The following AGMO variants were observed in gnomAD, a reference collection of about 807,000 sequenced individuals.
AGMO encodes the protein alkylglycerol monooxygenase.
In AGMO, 75 loss-of-function variants were observed where a neutral mutation model predicts 60.2. The ratio of observed to expected loss-of-function variants is 1.25; its 90% CI spans 1.03 to 1.51. The LOEUF (loss-of-function observed/expected upper bound fraction) is 1.51, where lower values mean the gene tolerates loss of function less well. AGMO is among the 40% of genes most tolerant of loss of function. The probability of loss-of-function intolerance (pLI) is 0.00; values close to 1 mark genes in which losing one functional copy is unlikely to be tolerated. For synonymous variants in AGMO, 261 were observed against 177.1 expected (o/e 1.47, Z -3.76); for missense variants, 763 against 525.5 (o/e 1.45, Z -4.42).
chr7:15,241,035 T>G (rs554008886), intron 12 of AGMO, among the ~76,000 whole-genome samples: 7 of 152,230 alleles, frequency 4.6e-5, no homozygotes, highest in African/African-American at 1.4e-4. Context: ...ACCACTATAT[T>G]AAATACATGT....
intron 12 of AGMO, among the ~76,000 whole-genome samples, chr7:15,279,666 C>T (rs1392423236): frequency 6.6e-6 from 1 of 152,072 alleles, no homozygotes; most frequent in East Asian, 1.9e-4. Context: ...CTGAAAGAAA[C>T]CACAGACCCT....
intron 12 of AGMO, among the ~76,000 whole-genome samples, chr7:15,265,014 A>G (rs1259432530): frequency 6.6e-6 from 1 of 152,154 alleles, no homozygotes; most frequent in East Asian, 1.9e-4. Flanking sequence ...CACAAGAGCA[A>G]AGACATGGAA....
At chr7:15,558,621 A>T (rs1366389751) in intron 2 of AGMO, among the ~76,000 whole-genome samples, 1 of 152,062 alleles carries the variant, frequency 6.6e-6, no homozygotes, top group East Asian at 1.9e-4. Flanking sequence ...TTCTGGAGAC[A>T]TTATCTTCTT....
chr7:15,515,357 G>T (rs1011297093), intron 3 of AGMO, among the ~76,000 whole-genome samples: 1 of 152,130 alleles, frequency 6.6e-6, no homozygotes, highest in African/African-American at 2.4e-5. Context: ...CTCCAGAATT[G>T]TATGAGCTTT....
chr7:15,225,354 T>TAAAACCACAAAA (rs1279260075), intron 12 of AGMO, among the ~76,000 whole-genome samples: 14 of 152,024 alleles, frequency 9.2e-5, no homozygotes, highest in Non-Finnish European at 7.4e-5. Flanking sequence ...TCTTTGTATT[T>TAAAACCACAAAA]TCTTATGATA....
intron 12 of AGMO, among the ~76,000 whole-genome samples, chr7:15,300,936 C>T (rs746572911): frequency 1.2e-4 from 18 of 152,132 alleles, no homozygotes; most frequent in Admixed American, 7.9e-4. Flanking sequence ...TTACAAGCAT[C>T]ACTAAGGAAT....
intron 9 of AGMO, 84 bp from the exon 10 acceptor site, chr7:15,385,646 A>G (rs905682030): frequency 7.7e-6 from 6 of 777,016 alleles, no homozygotes; most frequent in Non-Finnish European, 1.3e-5. Context: ...ATTTGAAAAA[A>G]GTATCTGCTA....
At chr7:15,227,995 G>T (rs1223152771) in intron 12 of AGMO, among the ~76,000 whole-genome samples, 2 of 152,096 alleles carry the variant, frequency 1.3e-5, no homozygotes, top group South Asian at 4.1e-4. Flanking sequence ...TGCCCATGTT[G>T]CTGGGTGGAG....
chr7:15,336,451 T>C (rs1164300521), intron 12 of AGMO, among the ~76,000 whole-genome samples: 10 of 152,104 alleles, frequency 6.6e-5, no homozygotes, highest in Non-Finnish European at 1.3e-4. Flanking sequence ...CCAGTAACTT[T>C]CAGCATACCC....
At chr7:15,539,392 G>A (rs1039869556) in intron 3 of AGMO, among the ~76,000 whole-genome samples, 11 of 152,054 alleles carry the variant, frequency 7.2e-5, no homozygotes, top group African/African-American at 2.7e-4. Context: ...GAGAACATGT[G>A]GTATGTGGTT....
chr7:15,418,606 A>G lies in AGMO; in HGVS notation c.561T>C (p.Ala187=), dbSNP rs373210948. 2 of 1,585,068 alleles carry G rather than the reference A, an allele frequency of 1.3e-6. No individual in the cohort carries two copies. The highest frequency in any genetic ancestry group is 2.3e-5 in the East Asian group (1 of 43,228). Residue 187 remains alanine, a synonymous_variant, in exon 5 of 13, where the codon GCT becomes GCC. Coordinates refer to ENST00000342526, the MANE Select transcript of AGMO (RefSeq NM_001004320.2). ...AAAGAAGATTGAATTGAAGATGAAC[A>G]GCATATACTGAAGGGGGTATGAAGA... ...LALFIPPSVY[A]VHLQFNLLYQ... is the part of the protein sequence containing the mutation.
the AGMO span, among the ~76,000 whole-genome samples, chr7:15,195,003 T>C: frequency 2.0e-5 from 3 of 152,184 alleles, no homozygotes; most frequent in Non-Finnish European, 4.4e-5. Flanking sequence ...TGGATTTGCC[T>C]GAATAGGATA....
intron 10 of AGMO, among the ~76,000 whole-genome samples, chr7:15,376,311 A>T (rs1783448381): frequency 6.6e-6 from 1 of 152,060 alleles, no homozygotes; most frequent in Non-Finnish European, 1.5e-5. Flanking sequence ...TTCATGAAGA[A>T]CCTAAGCTAG....
the AGMO span, among the ~76,000 whole-genome samples, chr7:15,126,046 A>G: frequency 6.6e-6 from 1 of 152,100 alleles, no homozygotes; most frequent in Non-Finnish European, 1.5e-5. Flanking sequence ...GCATTTGGTG[A>G]AGTACCACAG....
rs536210387 is a variant in AGMO, at chr7:15,313,146, T to C, written c.1263+52368A>G. ...TTGTGAGGCTAAAAATGAAAACAAG[T>C]TTTAAGTACACAAAGAAAACTCCTT... On this transcript the variant is annotated intron_variant, in intron 12 of 12. Coordinates refer to ENST00000342526, the MANE Select transcript of AGMO (RefSeq NM_001004320.2). 7.9e-5 allele frequency among the ~76,000 whole-genome samples: 12 copies of C among 152,168 alleles called. No individual in the cohort carries two copies. The South Asian group carries it at 2.5e-3, about 32-fold the overall frequency.
At chr7:15,475,797 G>A (rs1782580008) in intron 3 of AGMO, among the ~76,000 whole-genome samples, 1 of 151,970 alleles carries the variant, frequency 6.6e-6, no homozygotes, top group South Asian at 2.1e-4. Flanking sequence ...ATGTGATTAT[G>A]ACCCAAAAAT....
chr7:15,322,070 C>A (rs1781123651), intron 12 of AGMO, among the ~76,000 whole-genome samples: 1 of 151,860 alleles, frequency 6.6e-6, no homozygotes, highest in Admixed American at 6.6e-5. Context: ...ACTCAGGAGT[C>A]TGAGGTAGCA....
chr7:15,556,617 T>C (rs1785148544), intron 2 of AGMO, among the ~76,000 whole-genome samples: 1 of 152,076 alleles, frequency 6.6e-6, no homozygotes, highest in Non-Finnish European at 1.5e-5. Flanking sequence ...GATTGGAAAT[T>C]GAGTTCTGCT....
At chr7:15,365,650 C>G in intron 11 of AGMO, 31 bp from the exon 12 acceptor site, 1 of 1,428,000 alleles carries the variant, frequency 7.0e-7, no homozygotes, top group Non-Finnish European at 9.9e-7. Flanking sequence ...CATGCATTAG[C>G]TTTAAATATG....
Sources: allele counts gnomAD v4.1 joint callset (sites outside exome capture counted in the v4.1 genomes callset), GRCh38; gene constraint gnomAD v4.1.1; transcripts MANE v1.5; gene names NCBI Gene and HGNC (gene_info 2026-07-23, HGNC 2026-07-21).